Variants in MAGI2 observed in about 807,000 individuals in gnomAD.
MAGI2 encodes membrane-associated guanylate kinase, WW and PDZ domain-containing protein 2.
A neutral mutation model predicts 133.3 loss-of-function variants in MAGI2; 35 were observed. The observed-to-expected ratio is 0.26, with a 90% CI of 0.20 to 0.35. The LOEUF (loss-of-function observed/expected upper bound fraction) is 0.35, where lower values mean the gene tolerates loss of function less well. Ranked by LOEUF, MAGI2 falls within the 10% of genes least tolerant of loss-of-function variation. The probability of loss-of-function intolerance (pLI) is 1.00; values close to 1 mark genes in which losing one functional copy is unlikely to be tolerated. For synonymous variants in MAGI2, 729 were observed against 710.6 expected, an observed-to-expected ratio of 1.03 and a Z score of -0.41; for missense variants, 1,636 against 1,863.4, an observed-to-expected ratio of 0.88 and a Z score of 2.25.
At chr7:79,016,002 G>T (rs979066259) in intron 1 of MAGI2, among the ~76,000 whole-genome samples, 1 of 111,516 alleles carries the variant, frequency 9.0e-6, no homozygotes, top group Non-Finnish European at 1.9e-5. Flanking sequence ...GAGAAGCGGG[G>T]GGGGGGGGTG....
At chr7:79,271,550 C>G (rs938586701) in intron 1 of MAGI2, among the ~76,000 whole-genome samples, 6 of 152,046 alleles carry the variant, frequency 3.9e-5, no homozygotes, top group African/African-American at 1.4e-4. Context: ...TTTACATAAC[C>G]TTATAAAAAC....
chr7:78,645,464 C>T (rs562056883), intron 2 of MAGI2, among the ~76,000 whole-genome samples: 12 of 152,034 alleles, frequency 7.9e-5, no homozygotes, highest in South Asian at 2.1e-4. Flanking sequence ...ATCATGAGCA[C>T]GTAGAGCTTT....
intron 12 of MAGI2, among the ~76,000 whole-genome samples, chr7:78,194,670 T>C (rs1355497461): frequency 6.6e-6 from 1 of 152,110 alleles, no homozygotes; most frequent in Non-Finnish European, 1.5e-5. Context: ...AAGTAGGAGA[T>C]AAAATATAAG....
At chr7:79,006,474 A>G (rs927096159) in intron 2 of MAGI2, among the ~76,000 whole-genome samples, 1 of 152,176 alleles carries the variant, frequency 6.6e-6, no homozygotes, top group African/African-American at 2.4e-5. Flanking sequence ...ACAGACACTA[A>G]AAATTGTATC....
chr7:79,357,307 G>C (rs1195060492), intron 1 of MAGI2, among the ~76,000 whole-genome samples: 1 of 152,138 alleles, frequency 6.6e-6, no homozygotes, highest in Non-Finnish European at 1.5e-5. Context: ...CACCATGTGA[G>C]TTTTGCTCAC....
At chr7:78,733,850 T>G (rs1021359501) in intron 2 of MAGI2, among the ~76,000 whole-genome samples, 1 of 152,190 alleles carries the variant, frequency 6.6e-6, no homozygotes, top group African/African-American at 2.4e-5. Flanking sequence ...GGAGCATTCT[T>G]AAAACAAGAG....
intron 16 of MAGI2, among the ~76,000 whole-genome samples, chr7:78,143,766 T>C (rs1301555122): frequency 6.6e-6 from 1 of 152,174 alleles, no homozygotes; most frequent in Non-Finnish European, 1.5e-5. Context: ...AAGTATGTAC[T>C]CATTACTTTG....
intron 1 of MAGI2, among the ~76,000 whole-genome samples, chr7:79,352,458 A>G (rs1841755927): frequency 6.6e-6 from 1 of 152,216 alleles, no homozygotes; most frequent in African/African-American, 2.4e-5. Flanking sequence ...AAGGTCTCTT[A>G]GAGGTCATGT....
At chr7:78,532,578 A>C (rs927458314) in intron 3 of MAGI2, among the ~76,000 whole-genome samples, 2 of 152,216 alleles carry the variant, frequency 1.3e-5, no homozygotes, top group Admixed American at 6.5e-5. Context: ...ATTTTAGTCT[A>C]TGTGATACTT....
chr7:78,916,286 A>G (rs1333875945), intron 2 of MAGI2, among the ~76,000 whole-genome samples: 1 of 152,142 alleles, frequency 6.6e-6, no homozygotes, highest in East Asian at 1.9e-4. Context: ...AGTAGTGATT[A>G]TCATTTAAAA....
Position 78,790,765 on chromosome 7 carries a change from C to T in MAGI2, c.419-163526G>A, listed in dbSNP as rs549587301. 7.2e-5 allele frequency among the ~76,000 whole-genome samples: 11 copies of T among 152,132 alleles called. No homozygotes were observed. The South Asian group carries it at 2.1e-3, about 29-fold the overall frequency. On this transcript the variant is annotated intron_variant, in intron 2 of 21. Transcript: ENST00000354212. ...TCATATTTAATATTAAGATTAATAA[C>T]AATACAAGCAATAACAAAGCTTACT...
At chr7:78,303,271 C>CAG (rs923035717) in intron 9 of MAGI2, among the ~76,000 whole-genome samples, 8 of 148,508 alleles carry the variant, frequency 5.4e-5, no homozygotes, top group Admixed American at 4.9e-4. Flanking sequence ...CCCAGCTACT[C>CAG]AGGAAGTTGA....
At chr7:79,027,934 G>A (rs183932138) in intron 1 of MAGI2, among the ~76,000 whole-genome samples, 16 of 152,026 alleles carry the variant, frequency 1.1e-4, no homozygotes, top group African/African-American at 3.6e-4. Context: ...AGGCAGAGAG[G>A]ACAGTAAGAA....
chr7:78,838,531 T>A (rs1299775088), intron 2 of MAGI2, among the ~76,000 whole-genome samples: 3 of 151,588 alleles, frequency 2.0e-5, no homozygotes, highest in Non-Finnish European at 4.4e-5. Context: ...TGTGTGTGTG[T>A]GTGTGTCAGA....
At chr7:78,576,638 G>A (rs1802296760) in intron 3 of MAGI2, among the ~76,000 whole-genome samples, 1 of 151,894 alleles carries the variant, frequency 6.6e-6, no homozygotes, top group South Asian at 2.1e-4. Context: ...AATCTGAACA[G>A]ACAGGCCTTG....
intron 10 of MAGI2, among the ~76,000 whole-genome samples, chr7:78,249,847 T>C (rs537937519): frequency 1.3e-5 from 2 of 152,142 alleles, no homozygotes; most frequent in African/African-American, 4.8e-5. Context: ...AGATAGAGGA[T>C]TTTGAATGTT....
intron 1 of MAGI2, among the ~76,000 whole-genome samples, chr7:79,340,239 C>T (rs1375542651): frequency 6.6e-6 from 1 of 151,940 alleles, no homozygotes; most frequent in Non-Finnish European, 1.5e-5. Context: ...ATTTTGATTT[C>T]TTGCCTTGCC....
At position 78,754,954 on chromosome 7, in the gene MAGI2, C is replaced by T. The variant is rs759929781; in HGVS notation, c.419-127715G>A. On this transcript the variant is annotated intron_variant, in intron 2 of 21. Coordinates refer to ENST00000354212, the MANE Select transcript of MAGI2 (RefSeq NM_012301.4). Reference sequence around the variant, plus strand: ...TTATCTGCTTTAATGTCCCTCATTGCTTTAGCATGCCTTTTTTCACCTTGA... The same window carrying T: ...TTATCTGCTTTAATGTCCCTCATTGTTTTAGCATGCCTTTTTTCACCTTGA... Among the ~76,000 whole-genome samples, 238 of 152,290 alleles carry T rather than the reference C, an allele frequency of 1.6e-3. 1 individual carries two copies. The highest frequency in any genetic ancestry group is 2.5e-3 in the Non-Finnish European group (169 of 68,010).
At chr7:78,698,844 C>G (rs572726670) in intron 2 of MAGI2, among the ~76,000 whole-genome samples, 20 of 152,238 alleles carry the variant, frequency 1.3e-4, no homozygotes, top group African/African-American at 4.3e-4. Flanking sequence ...AGAAGAACAG[C>G]ATGAGGGTAA....
Sources: gnomAD v4.1 joint callset for allele counts (sites outside exome capture counted in the v4.1 genomes callset) on GRCh38, gnomAD v4.1.1 for gene constraint, MANE v1.5 for transcripts, NCBI Gene and HGNC (gene_info 2026-07-23, HGNC 2026-07-21) for gene names.